Variants in PACRG observed in about 807,000 individuals in gnomAD.
PACRG encodes parkin coregulated.
Under a neutral mutation model 29.7 loss-of-function variants are expected in PACRG, and 29 were observed. That is an observed-to-expected ratio of 0.98 (90% CI 0.73 to 1.33). The LOEUF (loss-of-function observed/expected upper bound fraction) is 1.33, where lower values mean the gene tolerates loss of function less well. PACRG is among the 40% of genes most tolerant of loss of function. The probability of loss-of-function intolerance (pLI) is 0.00; values close to 1 mark genes in which losing one functional copy is unlikely to be tolerated. For missense variants in PACRG, 279 were observed against 316.2 expected, an observed-to-expected ratio of 0.88 and a Z score of 0.89; for synonymous variants, 116 against 118.7, an observed-to-expected ratio of 0.98 and a Z score of 0.15.
intron 3 of PACRG, among the ~76,000 whole-genome samples, chr6:163,078,458 C>T (rs1018130433): frequency 1.1e-4 from 16 of 149,190 alleles, no homozygotes; most frequent in Admixed American, 2.0e-4. Flanking sequence ...AGCTGCACTG[C>T]GCTCCAGCCT....
intron 2 of PACRG, among the ~76,000 whole-genome samples, chr6:162,980,602 T>C (rs1349732826): frequency 1.3e-5 from 2 of 152,194 alleles, no homozygotes; most frequent in Non-Finnish European, 2.9e-5. Flanking sequence ...AAACATCCTA[T>C]GGAGTAGCAA....
intron 4 of PACRG, among the ~76,000 whole-genome samples, chr6:163,198,728 A>C (rs928866059): frequency 6.6e-6 from 1 of 152,334 alleles, no homozygotes; most frequent in Non-Finnish European, 1.5e-5. Context: ...GACAGGTCTC[A>C]GTTAATTTAG....
intron 2 of PACRG, among the ~76,000 whole-genome samples, chr6:162,930,443 T>A (rs1797766416): frequency 6.6e-6 from 1 of 152,038 alleles, no homozygotes; most frequent in Non-Finnish European, 1.5e-5. Context: ...GTTGATTTTG[T>A]ATCCTGCAAC....
intron 1 of PACRG, among the ~76,000 whole-genome samples, chr6:162,731,394 C>CT (rs545896238): frequency 2.9e-4 from 43 of 149,022 alleles, no homozygotes; most frequent in Middle Eastern, 6.9e-3. Flanking sequence ...CATGTACAGA[C>CT]TTTTTTTTTT....
At chr6:163,173,607 C>A (rs1159984434) in intron 4 of PACRG, among the ~76,000 whole-genome samples, 4 of 152,176 alleles carry the variant, frequency 2.6e-5, no homozygotes, top group Non-Finnish European at 4.4e-5. Context: ...ATCACGCTCT[C>A]CGCTCTCCCC....
intron 3 of PACRG, among the ~76,000 whole-genome samples, chr6:163,087,245 G>A (rs1279369498): frequency 6.6e-6 from 1 of 152,000 alleles, no homozygotes; most frequent in Non-Finnish European, 1.5e-5. Context: ...GATGAGGATG[G>A]AGACTGGGAC....
chr6:163,176,180 G>T (rs903517853), intron 4 of PACRG, among the ~76,000 whole-genome samples: 1 of 152,128 alleles, frequency 6.6e-6, no homozygotes, highest in Non-Finnish European at 1.5e-5. Context: ...CTTTTCCTTT[G>T]AACGGCCTCT....
intron 2 of PACRG, among the ~76,000 whole-genome samples, chr6:162,912,895 T>C (rs1175839206): frequency 6.7e-6 from 1 of 149,962 alleles, no homozygotes; most frequent in Non-Finnish European, 1.5e-5. Context: ...TATAAATACA[T>C]GTGTAGTAAA....
At chr6:162,906,876 G>A (rs1795970352) in intron 2 of PACRG, among the ~76,000 whole-genome samples, 1 of 152,168 alleles carries the variant, frequency 6.6e-6, no homozygotes, top group Non-Finnish European at 1.5e-5. Flanking sequence ...TTCATGTTAT[G>A]GGAAATGTGG....
At chr6:163,292,549 T>C (rs950021774) in intron 4 of PACRG, among the ~76,000 whole-genome samples, 1 of 152,014 alleles carries the variant, frequency 6.6e-6, no homozygotes, top group African/African-American at 2.4e-5. Context: ...TACAGGCATC[T>C]GCCACCACGC....
chr6:162,830,626 A>G (rs892924445), intron 2 of PACRG, among the ~76,000 whole-genome samples: 1 of 152,240 alleles, frequency 6.6e-6, no homozygotes, highest in African/African-American at 2.4e-5. Flanking sequence ...GGCTCTCGCT[A>G]CCATCCAGTA....
intron 4 of PACRG, among the ~76,000 whole-genome samples, chr6:163,111,437 A>G (rs1202634278): frequency 6.6e-6 from 1 of 152,250 alleles, no homozygotes; most frequent in Non-Finnish European, 1.5e-5. Context: ...GCATTTATAC[A>G]AACAACATCC....
At chr6:162,784,152 A>T (rs951791994) in intron 1 of PACRG, among the ~76,000 whole-genome samples, 11 of 152,166 alleles carry the variant, frequency 7.2e-5, no homozygotes, top group Admixed American at 5.9e-4. Flanking sequence ...TCTTCAAGTA[A>T]TCCTTTATGT....
In PACRG at chr6:162,845,613, T is replaced by C. The variant is rs568265866; in HGVS notation, c.291+31332T>C. ...CTTCATTGTCTCAAGAAAATGTTGC[T>C]TGCTGTCACCTTTAATATTTCTAAC... On this transcript the variant is annotated intron_variant, in intron 2 of 4. Coordinates refer to ENST00000366888, the MANE Select transcript of PACRG (RefSeq NM_001080379.2). 2.0e-5 allele frequency among the ~76,000 whole-genome samples: 3 copies of C among 152,308 alleles called. No homozygotes were observed. The South Asian group carries it at 6.2e-4, about 32-fold the overall frequency.
intron 4 of PACRG, among the ~76,000 whole-genome samples, chr6:163,151,569 T>C (rs1470849283): frequency 6.6e-6 from 1 of 152,204 alleles, no homozygotes; most frequent in Non-Finnish European, 1.5e-5. Context: ...CAGAGAGACA[T>C]TTTATTATTT....
intron 4 of PACRG, among the ~76,000 whole-genome samples, chr6:163,185,262 T>C (rs1779864782): frequency 6.6e-6 from 1 of 151,854 alleles, no homozygotes; most frequent in African/African-American, 2.4e-5. Flanking sequence ...GTGGGAACAA[T>C]TGGCCAAAAC....
chr6:162,753,127 T>TAA (rs1781636474), intron 1 of PACRG, among the ~76,000 whole-genome samples: 1 of 86,802 alleles, frequency 1.2e-5, no homozygotes, highest in African/African-American at 7.0e-5. Flanking sequence ...TTTACTCTCT[T>TAA]ACTTTGAAAT....
chr6:163,234,319 G>A (rs1456548128), intron 4 of PACRG, among the ~76,000 whole-genome samples: 1 of 152,126 alleles, frequency 6.6e-6, no homozygotes, highest in Non-Finnish European at 1.5e-5. Flanking sequence ...TCTCATGGGA[G>A]TGGGTGAGTT....
intron 2 of PACRG, among the ~76,000 whole-genome samples, chr6:162,900,516 A>G (rs1448473153): frequency 6.6e-6 from 1 of 152,170 alleles, no homozygotes; most frequent in Non-Finnish European, 1.5e-5. Context: ...CAGGAAGAGC[A>G]TTTGGAACCA....
Sources: gnomAD v4.1 joint callset for allele counts (sites outside exome capture counted in the v4.1 genomes callset) on GRCh38, gnomAD v4.1.1 for gene constraint, MANE v1.5 for transcripts, NCBI Gene and HGNC (gene_info 2026-07-23, HGNC 2026-07-21) for gene names.